PCDH15: variants seen among roughly 807,000 people sequenced by gnomAD.
The protein encoded by PCDH15 is protocadherin-15.
A neutral mutation model predicts 178.5 loss-of-function variants in PCDH15; 129 were observed. That is an observed-to-expected ratio of 0.72 (90% CI 0.63 to 0.84). PCDH15 has a LOEUF of 0.84. Among genes scored for constraint, PCDH15 ranks in the 40% least tolerant of loss-of-function variants. The pLI is 0.00. For synonymous variants in PCDH15, 800 were observed against 732.0 expected (o/e 1.09, Z -1.50); for missense variants, 2,230 against 2,099.9 (o/e 1.06, Z -1.21).
chr10:55,596,867 T>C (rs532909640), intron 2 of PCDH15, among the ~76,000 whole-genome samples: 1 of 152,238 alleles, frequency 6.6e-6, no homozygotes, highest in South Asian at 2.1e-4. Flanking sequence ...TTTGAGGATT[T>C]AGTTTGTACA....
intron 1 of PCDH15, among the ~76,000 whole-genome samples, chr10:55,206,571 TG>T (rs1840409189): frequency 6.6e-6 from 1 of 152,126 alleles, no homozygotes; most frequent in Non-Finnish European, 1.5e-5. Context: ...GGTCAGACTA[TG>T]TGAACTATTG....
intron 1 of PCDH15, among the ~76,000 whole-genome samples, chr10:54,689,995 T>G (rs377491916): frequency 1.6e-3 from 241 of 152,072 alleles, no homozygotes; most frequent in African/African-American, 5.5e-3. Context: ...AACTGTGGAG[T>G]TGCAAAAAAT....
chr10:54,887,881 A>G (rs920299720), intron 3 of PCDH15, among the ~76,000 whole-genome samples: 4 of 152,128 alleles, frequency 2.6e-5, no homozygotes, highest in African/African-American at 7.2e-5. Context: ...AATAATTTCT[A>G]TCTTGTACAT....
intron 2 of PCDH15, among the ~76,000 whole-genome samples, chr10:55,161,643 A>AT (rs1839069871): frequency 6.6e-6 from 1 of 152,070 alleles, no homozygotes; most frequent in Non-Finnish European, 1.5e-5. Context: ...AATTTTTAGC[A>AT]TTTTTCTTGA....
At chr10:53,951,480 C>G (rs2087038652) in intron 23 of PCDH15, among the ~76,000 whole-genome samples, 2 of 152,158 alleles carry the variant, frequency 1.3e-5, no homozygotes, top group African/African-American at 4.8e-5. Context: ...GAAGAATGAT[C>G]ACATGGGGCA....
At chr10:55,547,248 A>G (rs528089666) in intron 2 of PCDH15, among the ~76,000 whole-genome samples, 12 of 152,168 alleles carry the variant, frequency 7.9e-5, no homozygotes, top group Non-Finnish European at 1.3e-4. Context: ...TGGTTATTAC[A>G]GATATCAATG....
intron 6 of PCDH15, among the ~76,000 whole-genome samples, chr10:54,336,585 A>C (rs189224366): frequency 1.2e-4 from 18 of 152,260 alleles, no homozygotes; most frequent in African/African-American, 4.1e-4. Flanking sequence ...CATGGTGTGG[A>C]GCCTATGGGT....
chr10:55,297,497 GAAAT>G (rs1425856828), intron 1 of PCDH15, among the ~76,000 whole-genome samples: 1 of 151,996 alleles, frequency 6.6e-6, no homozygotes, highest in Non-Finnish European at 1.5e-5. Flanking sequence ...GCAGAGGTAG[GAAAT>G]AAATCTTAAA....
At chr10:53,993,063 G>A (rs1344733133) in intron 21 of PCDH15, among the ~76,000 whole-genome samples, 3 of 152,162 alleles carry the variant, frequency 2.0e-5, no homozygotes, top group Non-Finnish European at 4.4e-5. Context: ...CCTTGAAAAC[G>A]ATGTGGCCAA....
At chr10:54,401,542 C>T (rs1951933294) in intron 3 of PCDH15, among the ~76,000 whole-genome samples, 1 of 151,514 alleles carries the variant, frequency 6.6e-6, no homozygotes, top group East Asian at 1.9e-4. Flanking sequence ...ACCAAATACC[C>T]GTCAAATATC....
At chr10:54,339,842 C>T (rs990024197) in intron 6 of PCDH15, among the ~76,000 whole-genome samples, 3 of 152,298 alleles carry the variant, frequency 2.0e-5, no homozygotes, top group East Asian at 3.9e-4. Context: ...CAGCAACAAT[C>T]GTATTAGCGT....
At chr10:55,493,005 T>C (rs1221042744) in intron 2 of PCDH15, among the ~76,000 whole-genome samples, 2 of 151,750 alleles carry the variant, frequency 1.3e-5, no homozygotes, top group African/African-American at 2.4e-5. Context: ...TAAGAGACTA[T>C]ACAATCTCTT....
chr10:55,080,811 C>A (rs1436398681), intron 2 of PCDH15, among the ~76,000 whole-genome samples: 1 of 152,130 alleles, frequency 6.6e-6, no homozygotes, highest in African/African-American at 2.4e-5. Context: ...TACATGTGAG[C>A]CAGAGTACAA....
chr10:53,910,805 T>C lies in PCDH15; in HGVS notation c.3374-7435A>G, dbSNP rs184421235. ...GAATGGCTAACTAGAATAAACAGTG[T>C]AGAGAAGACCTTAAATGACCTGATG... is the stretch of plus-strand genomic sequence containing the variant. On this transcript the variant is annotated intron_variant, in intron 25 of 37. Coordinates refer to ENST00000644397, the MANE Select transcript of PCDH15 (RefSeq NM_001384140.1). 5.1e-3 allele frequency among the ~76,000 whole-genome samples: 778 copies of C among 152,214 alleles called. 9 individuals carry two copies. Among genetic ancestry groups the C allele is most frequent in the African/African-American group, 0.018 (730 of 41,526 alleles).
chr10:54,615,894 C>T (rs375414300), intron 2 of PCDH15, among the ~76,000 whole-genome samples: 46 of 151,972 alleles, frequency 3.0e-4, no homozygotes, highest in African/African-American at 1.0e-3. Flanking sequence ...TGGAAAATGG[C>T]GATGGATACT....
chr10:55,262,616 T>C (rs890946941), intron 1 of PCDH15, among the ~76,000 whole-genome samples: 2 of 152,032 alleles, frequency 1.3e-5, no homozygotes, highest in Admixed American at 1.3e-4. Flanking sequence ...GGCCAGGATG[T>C]TCTAAGGAGA....
intron 2 of PCDH15, among the ~76,000 whole-genome samples, chr10:55,444,175 C>G (rs1275665871): frequency 6.6e-6 from 1 of 151,546 alleles, no homozygotes; most frequent in Non-Finnish European, 1.5e-5. Context: ...AGGAGAAATA[C>G]CTAATGTAGA....
At chr10:55,036,140 T>C (rs1392534570) in intron 2 of PCDH15, among the ~76,000 whole-genome samples, 1 of 152,138 alleles carries the variant, frequency 6.6e-6, no homozygotes, top group Non-Finnish European at 1.5e-5. Flanking sequence ...CTTGAGACAA[T>C]GAGTTCAGTC....
intron 1 of PCDH15, among the ~76,000 whole-genome samples, chr10:55,294,704 T>A (rs564436647): frequency 1.3e-5 from 2 of 152,318 alleles, no homozygotes; most frequent in Non-Finnish European, 2.9e-5. Flanking sequence ...CCAATAAGCC[T>A]ATGAACATAT....
Sources: gnomAD v4.1 joint callset for allele counts (sites outside exome capture counted in the v4.1 genomes callset) on GRCh38, gnomAD v4.1.1 for gene constraint, MANE v1.5 for transcripts, NCBI Gene and HGNC (gene_info 2026-07-23, HGNC 2026-07-21) for gene names.